PTGR1: variants seen among roughly 807,000 people sequenced by gnomAD.
PTGR1 encodes the protein prostaglandin reductase 1, also known as 15-oxoprostaglandin 13-reductase.
A neutral mutation model predicts 37.7 loss-of-function variants in PTGR1; 23 were observed. That is an observed-to-expected ratio of 0.61 (90% CI 0.44 to 0.86). The LOEUF is 0.86. Ranked by LOEUF, PTGR1 falls within the 40% of genes least tolerant of loss-of-function variation. PTGR1 has a pLI of 0.00. For missense variants in PTGR1, 351 were observed against 394.3 expected, an observed-to-expected ratio of 0.89 and a Z score of 0.93; for synonymous variants, 134 against 140.0, an observed-to-expected ratio of 0.96 and a Z score of 0.30.
At chr9:111,558,819 A>G (rs538726731), downstream of PTGR1, among the ~76,000 whole-genome samples, 2 of 152,230 alleles carry the variant, frequency 1.3e-5, no homozygotes, top group South Asian at 2.1e-4. Context: ...TCCAATTCCA[A>G]TCTAACACCA....
At chr9:111,565,124 C>CA (rs879478393) in intron 9 of PTGR1, among the ~76,000 whole-genome samples, 2 of 146,694 alleles carry the variant, frequency 1.4e-5, no homozygotes, top group East Asian at 2.0e-4. Flanking sequence ...AACTCCATCT[C>CA]AAAAAAAAAA....
At chr9:111,584,179 T>C (rs1052810160) in intron 5 of PTGR1, among the ~76,000 whole-genome samples, 4 of 152,192 alleles carry the variant, frequency 2.6e-5, no homozygotes, top group African/African-American at 7.2e-5. Context: ...GCAGTACTGA[T>C]GGGGACTGGG....
chr9:111,553,967 C>T (rs62569887), intron 9 of PTGR1, among the ~76,000 whole-genome samples: 13 of 152,310 alleles, frequency 8.5e-5, no homozygotes, highest in African/African-American at 2.2e-4. Context: ...TAACTTCCAA[C>T]GTCCCAGAGG....
chr9:111,561,686 ATAAT>A (rs1828327852), downstream of PTGR1, among the ~76,000 whole-genome samples: 1 of 152,164 alleles, frequency 6.6e-6, no homozygotes, highest in Non-Finnish European at 1.5e-5. Context: ...GGTGTGTTGA[ATAAT>A]TAGACTCATC....
intron 8 of PTGR1, 35 bp from the exon 9 acceptor site, chr9:111,570,244 C>G: frequency 6.3e-7 from 1 of 1,595,006 alleles, no homozygotes; most frequent in Non-Finnish European, 8.5e-7. Context: ...GTGGCAGGAT[C>G]CAGGGAGGTG....
intron 5 of PTGR1, among the ~76,000 whole-genome samples, chr9:111,584,231 G>C (rs1277431565): frequency 6.6e-6 from 1 of 152,212 alleles, no homozygotes; most frequent in African/African-American, 2.4e-5. Flanking sequence ...AGTTTGGAAG[G>C]TGATATGATT....
intron 9 of PTGR1, among the ~76,000 whole-genome samples, chr9:111,569,336 C>G (rs952116439): frequency 6.6e-6 from 1 of 152,254 alleles, no homozygotes; most frequent in Non-Finnish European, 1.5e-5. Flanking sequence ...GAGGACCAAT[C>G]AGTGAGGAAA....
At chr9:111,590,816 A>C (rs1829587803) in intron 4 of PTGR1, among the ~76,000 whole-genome samples, 1 of 152,224 alleles carries the variant, frequency 6.6e-6, no homozygotes, top group African/African-American at 2.4e-5. Flanking sequence ...ACATACATAC[A>C]TGCTCCTGGA....
At position 111,585,859 on chromosome 9, in the gene PTGR1, G is replaced by A. The variant is rs190120745; in HGVS notation, c.377+139C>T. The stretch of plus-strand genomic sequence containing the variant: ...GACACTTAGGTTGATCTGCCATCTT[G>A]GTCCTGCCCTCTTCTCTGATCAGCC... On this transcript the variant is annotated intron_variant, in intron 5 of 9. Coordinates refer to ENST00000407693, the MANE Select transcript of PTGR1 (RefSeq NM_001146108.2). 1,580 of 907,698 alleles carry A rather than the reference G, an allele frequency of 1.7e-3. 2 individuals are homozygous for A. The highest frequency in any genetic ancestry group is 2.4e-3 in the Non-Finnish European group (1,442 of 608,332). The allele number at this position is 907,698 out of a possible 1,614,324, so 56.2% of individuals were successfully genotyped here. A position where few individuals can be genotyped will look rare whatever the true frequency, so the allele number is the denominator to read the frequency against.
intron 5 of PTGR1, among the ~76,000 whole-genome samples, chr9:111,584,996 T>C (rs909713764): frequency 2.6e-5 from 4 of 152,140 alleles, no homozygotes; most frequent in Non-Finnish European, 5.9e-5. Context: ...AGACCCATTA[T>C]AGTGATTGTT....
intron 3 of PTGR1, 109 bp downstream of exon 3, chr9:111,594,113 A>T: frequency 2.6e-6 from 3 of 1,164,604 alleles, no homozygotes; most frequent in Non-Finnish European, 2.5e-6. Context: ...TGGGAGAAAC[A>T]GAAGGAAAGT....
At chr9:111,551,708 T>G (rs2132282470) in intron 9 of PTGR1, among the ~76,000 whole-genome samples, 1 of 152,286 alleles carries the variant, frequency 6.6e-6, no homozygotes, top group South Asian at 2.1e-4. Context: ...AACCCCAATT[T>G]TTGTTTAAAA....
At chr9:111,591,035 T>C (rs1030058705) in intron 4 of PTGR1, among the ~76,000 whole-genome samples, 1 of 152,158 alleles carries the variant, frequency 6.6e-6, no homozygotes, top group East Asian at 1.9e-4. Flanking sequence ...CTCATGCCTG[T>C]AGTCCCAAAA....
chr9:111,583,779 G>A (rs947003004), intron 5 of PTGR1, among the ~76,000 whole-genome samples, 190 bp from the exon 6 acceptor site: 1 of 152,188 alleles, frequency 6.6e-6, no homozygotes, highest in African/African-American at 2.4e-5. Flanking sequence ...TAGGAATAAA[G>A]GTGATGTGAA....
intron 4 of PTGR1, among the ~76,000 whole-genome samples, chr9:111,590,979 G>A (rs1829594589): frequency 6.6e-6 from 1 of 152,006 alleles, no homozygotes; most frequent in Admixed American, 6.6e-5. Flanking sequence ...TTTTCTGAAG[G>A]TCATATAATT....
At chr9:111,560,636 C>CAAA (rs1015199330), downstream of PTGR1, among the ~76,000 whole-genome samples, 43 of 26,266 alleles carry the variant, frequency 1.6e-3, no homozygotes, top group East Asian at 8.7e-3. Context: ...GACACCATCT[C>CAAA]AAAAAAAAAA....
chr9:111,553,420 T>A (rs146320395), intron 9 of PTGR1, among the ~76,000 whole-genome samples: 1 of 152,334 alleles, frequency 6.6e-6, no homozygotes, highest in East Asian at 1.9e-4. Context: ...ATTAAGTATC[T>A]CATTTTAGGA....
At chr9:111,589,294 G>T in intron 4 of PTGR1, 1 of 610,656 alleles carries the variant, frequency 1.6e-6, no homozygotes, top group Non-Finnish European at 2.0e-6. Flanking sequence ...TTGTAAAGAT[G>T]TCAGTTTCCT....
intron 6 of PTGR1, among the ~76,000 whole-genome samples, chr9:111,580,038 C>T (rs1298132954): frequency 1.3e-5 from 2 of 152,176 alleles, no homozygotes; most frequent in African/African-American, 2.4e-5. Context: ...TTCATGATTC[C>T]AGAAAAAACT....
Sources: gnomAD v4.1 joint callset for allele counts (sites outside exome capture counted in the v4.1 genomes callset) on GRCh38, gnomAD v4.1.1 for gene constraint, MANE v1.5 for transcripts, NCBI Gene and HGNC (gene_info 2026-07-23, HGNC 2026-07-21) for gene names.